Variants in MRAS observed in about 807,000 individuals in gnomAD.
MRAS encodes muscle RAS oncogene homolog, also known as ras-related protein M-Ras.
In MRAS, 4 loss-of-function variants were observed where a neutral mutation model predicts 20.9. The ratio of observed to expected loss-of-function variants is 0.19; its 90% CI spans 0.09 to 0.44. MRAS has a LOEUF of 0.44. Ranked by LOEUF, MRAS falls within the 20% of genes least tolerant of loss-of-function variation. MRAS has a pLI of 0.99. For missense variants in MRAS, 154 were observed against 277.5 expected (o/e 0.56, Z 3.16); for synonymous variants, 98 against 102.9 (o/e 0.95, Z 0.29).
At position 138,368,900 on chromosome 3, in the gene MRAS, G is replaced by T. The variant is rs182754123; in HGVS notation, c.-18-3966G>T. 5.6e-4 allele frequency among the ~76,000 whole-genome samples: 85 copies of T among 152,166 alleles called. 1 individual carries two copies. Among genetic ancestry groups the T allele is most frequent in the African/African-American group, 1.4e-4 (6 of 41,496 alleles). On this transcript the variant is annotated intron_variant, in intron 1 of 5. Transcript: ENST00000423968. Reference sequence around the variant, plus strand: ...AAGACATCATTTGATCAGGGTTTTGGGGGGGGCCGGAGAAACATGCCTATC... The same window carrying T: ...AAGACATCATTTGATCAGGGTTTTGTGGGGGGCCGGAGAAACATGCCTATC...
chr3:138,377,331 G>T (rs1576364144), intron 2 of MRAS, among the ~76,000 whole-genome samples: 1 of 152,362 alleles, frequency 6.6e-6, no homozygotes, highest in African/African-American at 2.4e-5. Flanking sequence ...ACTTGGCCGG[G>T]TGCGGTGGCT....
intron 4 of MRAS, among the ~76,000 whole-genome samples, chr3:138,399,548 C>CCTG (rs2055315518): frequency 6.6e-6 from 1 of 151,772 alleles, no homozygotes. Context: ...CTGTCGCCCT[C>CCTG]CATGCATTTC....
chr3:138,352,954 C>G (rs772466788), intron 1 of MRAS, among the ~76,000 whole-genome samples: 1 of 152,016 alleles, frequency 6.6e-6, no homozygotes, highest in Non-Finnish European at 1.5e-5. Flanking sequence ...CGTGAAAATA[C>G]GCTTGGGAGG....
chr3:138,376,962 C>G (rs2108526153), intron 2 of MRAS, among the ~76,000 whole-genome samples: 1 of 152,334 alleles, frequency 6.6e-6, no homozygotes. Context: ...TCTCTACAGC[C>G]ATATAAACTT....
intron 1 of MRAS, among the ~76,000 whole-genome samples, chr3:138,359,311 CTTCT>C (rs2054398286): frequency 6.6e-6 from 1 of 152,170 alleles, no homozygotes; most frequent in African/African-American, 2.4e-5. Context: ...GTGGCCAGTC[CTTCT>C]TCCTCCGCAT....
intron 4 of MRAS, among the ~76,000 whole-genome samples, chr3:138,398,979 G>A (rs1400739598): frequency 2.0e-5 from 3 of 152,228 alleles, no homozygotes; most frequent in Non-Finnish European, 4.4e-5. Flanking sequence ...CTCTGGGTGT[G>A]TGCAGGGATG....
intron 2 of MRAS, among the ~76,000 whole-genome samples, chr3:138,385,985 G>A (rs539358155): frequency 1.3e-5 from 2 of 152,324 alleles, no homozygotes; most frequent in South Asian, 4.1e-4. Context: ...TAGGAGCAGA[G>A]CTGGGTCATC....
At chr3:138,347,896 A>T (rs544682478), upstream of MRAS, 7 of 152,402 alleles carry the variant, frequency 4.6e-5, no homozygotes, top group East Asian at 1.4e-3. Flanking sequence ...CCCGGCTTGA[A>T]TTGTACACTT....
At chr3:138,385,552 G>C (rs954782265) in intron 2 of MRAS, among the ~76,000 whole-genome samples, 1 of 151,676 alleles carries the variant, frequency 6.6e-6, no homozygotes, top group Non-Finnish European at 1.5e-5. Flanking sequence ...GTCTCACTCT[G>C]TCACCCAGGC....
chr3:138,347,940 C>CT (rs1258560661), upstream of MRAS: 4 of 152,300 alleles, frequency 2.6e-5, no homozygotes, highest in East Asian at 3.9e-4. Context: ...TGAATTATAT[C>CT]TTTATTTTTT....
chr3:138,392,961 G>A (rs2055161703), intron 2 of MRAS, among the ~76,000 whole-genome samples: 1 of 152,080 alleles, frequency 6.6e-6, no homozygotes, highest in South Asian at 2.1e-4. Flanking sequence ...CTGTTGCTTA[G>A]GAAGTTTGAG....
At chr3:138,368,306 ATATG>A (rs1055689470) in intron 1 of MRAS, among the ~76,000 whole-genome samples, 4 of 152,056 alleles carry the variant, frequency 2.6e-5, no homozygotes, top group Non-Finnish European at 5.9e-5. Context: ...GTGAGTGTGT[ATATG>A]TGTGTGTGTG....
chr3:138,368,572 G>C (rs1425806031), intron 1 of MRAS, among the ~76,000 whole-genome samples: 1 of 152,154 alleles, frequency 6.6e-6, no homozygotes, highest in East Asian at 1.9e-4. Context: ...AGAACCCCAA[G>C]TCTACCTTAT....
rs937088589 is a variant in MRAS at position 138,402,516 on chromosome 3, C to A, written c.*247C>A. 17 of 451,138 alleles carry A rather than the reference C, an allele frequency of 3.8e-5. No individual in the cohort carries two copies. The highest frequency in any genetic ancestry group is 1.5e-4 in the South Asian group (3 of 20,182). The allele number at this position is 451,138 out of a possible 1,614,324, so 27.9% of individuals were successfully genotyped here. A position where few individuals can be genotyped will look rare whatever the true frequency, so the allele number is the denominator to read the frequency against. On this transcript the variant is annotated 3_prime_UTR_variant, in exon 6 of 6. Transcript: ENST00000423968. Reference sequence around the variant, plus strand: ...GAAGCAGCATCCAAGTGCCCCTGGCCCCCCCATGTGTTGATTCAACCCGGT... The same window carrying A: ...GAAGCAGCATCCAAGTGCCCCTGGCACCCCCATGTGTTGATTCAACCCGGT...
At chr3:138,363,687 G>GCCT (rs2108507039) in intron 1 of MRAS, among the ~76,000 whole-genome samples, 1 of 152,196 alleles carries the variant, frequency 6.6e-6, no homozygotes, top group Non-Finnish European at 1.5e-5. Context: ...TGTCTTGAGA[G>GCCT]GAGCATGTGT....
intron 1 of MRAS, among the ~76,000 whole-genome samples, chr3:138,372,619 G>A (rs954919374): frequency 2.6e-5 from 4 of 152,204 alleles, no homozygotes; most frequent in Admixed American, 2.6e-4. Context: ...CAGTGGTACT[G>A]TGTCCTCAAC....
chr3:138,386,815 C>G (rs2055026070), intron 2 of MRAS, among the ~76,000 whole-genome samples: 1 of 152,202 alleles, frequency 6.6e-6, no homozygotes, highest in South Asian at 2.1e-4. Context: ...TTTCACCAGT[C>G]AATGGACATT....
intron 2 of MRAS, among the ~76,000 whole-genome samples, chr3:138,393,003 C>T (rs557349994): frequency 2.0e-5 from 3 of 152,076 alleles, no homozygotes; most frequent in East Asian, 1.9e-4. Context: ...GTTTTACTTC[C>T]GTTCTTCTAT....
intron 1 of MRAS, among the ~76,000 whole-genome samples, chr3:138,366,467 C>A (rs1163470021): frequency 6.6e-6 from 1 of 152,226 alleles, no homozygotes; most frequent in Non-Finnish European, 1.5e-5. Context: ...TATAGAAATA[C>A]AGAAGCAAAA....
Sources: gnomAD v4.1 joint callset for allele counts (sites outside exome capture counted in the v4.1 genomes callset) on GRCh38, gnomAD v4.1.1 for gene constraint, MANE v1.5 for transcripts, NCBI Gene and HGNC (gene_info 2026-07-23, HGNC 2026-07-21) for gene names.